Variants in MAPKAP1 observed in about 807,000 individuals in gnomAD.
MAPKAP1 encodes MAPK associated protein 1.
MAPKAP1 carries 20 observed loss-of-function variants against 65.7 expected under a neutral mutation model. The ratio of observed to expected loss-of-function variants is 0.30; its 90% CI spans 0.21 to 0.44. The LOEUF is 0.44. Among genes scored for constraint, MAPKAP1 ranks in the 20% least tolerant of loss-of-function variants. MAPKAP1 has a pLI of 1.00. For missense variants in MAPKAP1, 423 were observed against 648.0 expected (o/e 0.65, Z 3.77); for synonymous variants, 222 against 244.3 (o/e 0.91, Z 0.85).
In MAPKAP1 at chr9:125,439,762, A is replaced by G. The variant is rs1478916537; in HGVS notation, c.1444-750T>C. Among the ~76,000 whole-genome samples, 1 of 152,248 alleles carries G rather than the reference A, an allele frequency of 6.6e-6. No homozygotes were observed. The highest frequency in any genetic ancestry group is 1.5e-5 in the Non-Finnish European group (1 of 68,036). ...CACTCTGTGTAGCAGCTGCACCGCC[A>G]GGCGCTTCCCCAGCGCTACAGCGCT... On this transcript the variant is annotated intron_variant, in intron 11 of 11. Coordinates refer to ENST00000265960, the MANE Select transcript of MAPKAP1 (RefSeq NM_001006617.3). This position sits in a 1 kb window ranked among gnomAD's most constrained non-coding sequence, Gnocchi z 4.0.
intron 1 of MAPKAP1, among the ~76,000 whole-genome samples, chr9:125,673,353 C>T (rs1235866084): frequency 6.6e-6 from 1 of 152,034 alleles, no homozygotes; most frequent in East Asian, 1.9e-4. Flanking sequence ...CAGCCTCCCG[C>T]GTAGCTGGGA....
At chr9:125,623,704 TGGG>T (rs1193823214) in intron 4 of MAPKAP1, among the ~76,000 whole-genome samples, 3 of 6,296 alleles carry the variant, frequency 4.8e-4, no homozygotes, top group African/African-American at 5.8e-4. Flanking sequence ...GGGAGGGAGG[TGGG>T]GGGGGGGTCA....
intron 4 of MAPKAP1, among the ~76,000 whole-genome samples, chr9:125,651,342 C>G (rs1231330604): frequency 6.6e-6 from 1 of 152,294 alleles, no homozygotes; most frequent in East Asian, 1.9e-4. Context: ...CAGTGGCTCA[C>G]ACCTGTAATC....
chr9:125,590,794 T>A (rs1212156056), intron 4 of MAPKAP1, among the ~76,000 whole-genome samples: 3 of 151,890 alleles, frequency 2.0e-5, no homozygotes, highest in East Asian at 3.9e-4. Flanking sequence ...TTTTTTTTTT[T>A]AAACAGTCTC....
intron 7 of MAPKAP1, among the ~76,000 whole-genome samples, chr9:125,532,580 A>G (rs1471017290): frequency 6.6e-6 from 1 of 152,200 alleles, no homozygotes; most frequent in African/African-American, 2.4e-5. Flanking sequence ...ACTTTGTGAC[A>G]TTGATTGTTG....
At chr9:125,657,871 C>T (rs1834075727) in intron 3 of MAPKAP1, 72 bp from the exon 4 acceptor site, 2 of 1,472,808 alleles carry the variant, frequency 1.4e-6, no homozygotes, top group Non-Finnish European at 1.9e-6. Context: ...CCTAAAAAGT[C>T]TTCCTTAGAA....
intron 5 of MAPKAP1, among the ~76,000 whole-genome samples, chr9:125,561,195 TTTA>T (rs1830882827): frequency 6.6e-6 from 1 of 152,214 alleles, no homozygotes; most frequent in African/African-American, 2.4e-5. Context: ...ATTTACCAAG[TTTA>T]TTGACTGGAT....
intron 4 of MAPKAP1, among the ~76,000 whole-genome samples, chr9:125,627,008 C>G (rs1833137435): frequency 6.6e-6 from 1 of 152,112 alleles, no homozygotes; most frequent in Non-Finnish European, 1.5e-5. Flanking sequence ...ATTTTCTTAT[C>G]ACTTATTTTT....
intron 4 of MAPKAP1, among the ~76,000 whole-genome samples, chr9:125,634,350 A>C (rs1475259431): frequency 1.3e-5 from 2 of 152,232 alleles, no homozygotes; most frequent in African/African-American, 4.8e-5. Context: ...CTCTTATTTA[A>C]AAGTCATCCC....
At chr9:125,685,459 C>T (rs1219795004) in intron 1 of MAPKAP1, among the ~76,000 whole-genome samples, 1 of 152,182 alleles carries the variant, frequency 6.6e-6, no homozygotes, top group Non-Finnish European at 1.5e-5. Flanking sequence ...ATAATAAGAT[C>T]TGAAAGACTG....
intron 7 of MAPKAP1, among the ~76,000 whole-genome samples, chr9:125,534,921 T>A (rs1830031679): frequency 6.6e-6 from 1 of 152,220 alleles, no homozygotes; most frequent in Non-Finnish European, 1.5e-5. Flanking sequence ...CTTCCATGTA[T>A]CCCTTGTATG....
chr9:125,522,999 T>C (rs914337782), intron 7 of MAPKAP1, among the ~76,000 whole-genome samples: 1 of 152,196 alleles, frequency 6.6e-6, no homozygotes, highest in Non-Finnish European at 1.5e-5. Context: ...GACCCCATGA[T>C]ATCAGGCCCA....
In MAPKAP1 at chr9:125,447,887, G is replaced by A. The variant is rs1255047791; in HGVS notation, c.1346-3289C>T. On this transcript the variant is annotated intron_variant, in intron 10 of 11. Coordinates refer to ENST00000265960, the MANE Select transcript of MAPKAP1 (RefSeq NM_001006617.3). The surrounding 1 kb of genome is among the most constrained non-coding windows in gnomAD (Gnocchi z 4.5). Reference sequence around the variant, plus strand: ...GGAGAAGGGTGAAAAAGAGGAAGATGCCACAGGGCAAGGAAACGGCATGGG... The same window carrying A: ...GGAGAAGGGTGAAAAAGAGGAAGATACCACAGGGCAAGGAAACGGCATGGG... 1.3e-5 allele frequency among the ~76,000 whole-genome samples: 2 copies of A among 152,202 alleles called. No homozygotes were observed. Among genetic ancestry groups the A allele is most frequent in the Non-Finnish European group, 1.5e-5 (1 of 68,032 alleles).
At chr9:125,587,799 A>C (rs1017462187) in intron 4 of MAPKAP1, among the ~76,000 whole-genome samples, 1 of 152,206 alleles carries the variant, frequency 6.6e-6, no homozygotes, top group Non-Finnish European at 1.5e-5. Flanking sequence ...TGACCAATAA[A>C]CACATGAAAA....
chr9:125,518,005 G>C (rs1482267007), intron 7 of MAPKAP1, among the ~76,000 whole-genome samples: 1 of 152,208 alleles, frequency 6.6e-6, no homozygotes, highest in Non-Finnish European at 1.5e-5. Context: ...CTTCAGCATA[G>C]CAAAAGGCTC....
intron 5 of MAPKAP1, among the ~76,000 whole-genome samples, chr9:125,565,924 G>T (rs1831039763): frequency 1.3e-5 from 2 of 152,032 alleles, no homozygotes; most frequent in African/African-American, 4.8e-5. Flanking sequence ...GTTGATAATG[G>T]GTTTTCTTTC....
intron 5 of MAPKAP1, chr9:125,572,771 T>G (rs576113158): frequency 6.6e-6 from 1 of 152,362 alleles, no homozygotes; most frequent in South Asian, 2.1e-4. Flanking sequence ...TTTAGTTTAC[T>G]TGGAATAACT....
chr9:125,693,600 C>T (rs1300498254), intron 1 of MAPKAP1, among the ~76,000 whole-genome samples: 2 of 150,398 alleles, frequency 1.3e-5, no homozygotes, highest in South Asian at 4.2e-4. Flanking sequence ...TATACACACA[C>T]ACATACACAT....
chr9:125,462,447 G>A (rs766180048), intron 10 of MAPKAP1, among the ~76,000 whole-genome samples: 6 of 152,350 alleles, frequency 3.9e-5, no homozygotes, highest in Middle Eastern at 3.4e-3. Context: ...CCTGCAGCTG[G>A]AATGCCAGTT....
Sources: gnomAD v4.1 joint callset for allele counts (sites outside exome capture counted in the v4.1 genomes callset) on GRCh38, gnomAD v4.1.1 for gene constraint, Gnocchi (gnomAD v3.1) non-coding constraint, MANE v1.5 for transcripts, NCBI Gene and HGNC (gene_info 2026-07-23, HGNC 2026-07-21) for gene names.